Variants in SPRR2G observed in about 807,000 individuals in gnomAD.
SPRR2G encodes the protein small proline rich protein 2G.
A neutral mutation model predicts 0.7 loss-of-function variants in SPRR2G; 1 was observed. The observed-to-expected ratio is 1.49, with a 90% CI of 0.53 to 7.06. The LOEUF (loss-of-function observed/expected upper bound fraction) is 7.06, where lower values mean the gene tolerates loss of function less well. Among genes scored for constraint, SPRR2G ranks in the 30% most tolerant of loss-of-function variants. SPRR2G has a pLI of 0.14. For synonymous variants in SPRR2G, 38 were observed against 33.9 expected, an observed-to-expected ratio of 1.12 and a Z score of -0.42; for missense variants, 96 against 88.5, an observed-to-expected ratio of 1.09 and a Z score of -0.34.
the SPRR2G span, among the ~76,000 whole-genome samples, chr1:153,158,238 C>G: frequency 1.3e-5 from 2 of 152,076 alleles, no homozygotes; most frequent in Non-Finnish European, 2.9e-5. Flanking sequence ...CCTATGAGCC[C>G]GTAAAATCAA....
the SPRR2G span, among the ~76,000 whole-genome samples, chr1:153,172,857 G>A: frequency 1.3e-5 from 2 of 152,168 alleles, no homozygotes; most frequent in African/African-American, 4.8e-5. Context: ...GCCTTCATCT[G>A]GGCCGGAAGA....
At chr1:153,173,449 G>A in the SPRR2G span, among the ~76,000 whole-genome samples, 412 of 150,952 alleles carry the variant, frequency 2.7e-3, 1 homozygote, top group African/African-American at 8.8e-3. Context: ...AAGTCAAACA[G>A]AAAAAAAAAT....
At chr1:153,182,719 A>T in the SPRR2G span, among the ~76,000 whole-genome samples, 37 of 152,082 alleles carry the variant, frequency 2.4e-4, 1 homozygote, top group African/African-American at 8.2e-4. Flanking sequence ...AAGGACATGA[A>T]CTCATTCTTT....
chr1:153,163,544 T>C, the SPRR2G span, among the ~76,000 whole-genome samples: 9 of 152,190 alleles, frequency 5.9e-5, no homozygotes, highest in Admixed American at 4.6e-4. Context: ...TGGGGAGCAG[T>C]GCATACCAAT....
At chr1:153,194,292 T>C in the SPRR2G span, among the ~76,000 whole-genome samples, 10 of 152,160 alleles carry the variant, frequency 6.6e-5, no homozygotes, top group East Asian at 9.6e-4. Context: ...TAATAGAATA[T>C]ATCAAAACAC....
At chr1:153,154,703 C>T (rs967226483), upstream of SPRR2G, among the ~76,000 whole-genome samples, 1 of 151,906 alleles carries the variant, frequency 6.6e-6, no homozygotes, top group Non-Finnish European at 1.5e-5. Context: ...TTTCATATCT[C>T]CTCTTTCATA....
chr1:153,175,604 G>GT, the SPRR2G span, among the ~76,000 whole-genome samples: 2 of 152,160 alleles, frequency 1.3e-5, no homozygotes, highest in Non-Finnish European at 2.9e-5. Context: ...TTAGTTCCCT[G>GT]TTTTATGCTT....
At chr1:153,184,773 G>T in the SPRR2G span, among the ~76,000 whole-genome samples, 1 of 152,200 alleles carries the variant, frequency 6.6e-6, no homozygotes, top group Non-Finnish European at 1.5e-5. Flanking sequence ...GGGCATACTT[G>T]TCTTGTGCAG....
chr1:153,199,191 G>C, the SPRR2G span, among the ~76,000 whole-genome samples: 1 of 152,128 alleles, frequency 6.6e-6, no homozygotes, highest in Non-Finnish European at 1.5e-5. Flanking sequence ...TGTATATCTG[G>C]TTCCCATGGG....
At chr1:153,152,817 A>G (rs1656500620), upstream of SPRR2G, among the ~76,000 whole-genome samples, 1 of 152,200 alleles carries the variant, frequency 6.6e-6, no homozygotes, top group Non-Finnish European at 1.5e-5. Context: ...TTTTAGACCT[A>G]CTTTTCTTTG....
the SPRR2G span, among the ~76,000 whole-genome samples, chr1:153,187,705 A>G: frequency 6.6e-6 from 1 of 152,100 alleles, no homozygotes; most frequent in East Asian, 1.9e-4. Context: ...ACTTCTGTCA[A>G]TTCATCAAAT....
At chr1:153,185,991 C>T in the SPRR2G span, among the ~76,000 whole-genome samples, 17 of 152,266 alleles carry the variant, frequency 1.1e-4, no homozygotes, top group African/African-American at 3.9e-4. Flanking sequence ...CATTCAGGGG[C>T]AGGTTGTTCA....
chr1:153,173,938 T>G, the SPRR2G span, among the ~76,000 whole-genome samples: 1 of 152,220 alleles, frequency 6.6e-6, no homozygotes, highest in Admixed American at 6.5e-5. Flanking sequence ...GCAGGAAAGA[T>G]TCACTCAGTA....
the SPRR2G span, among the ~76,000 whole-genome samples, chr1:153,163,532 G>T: frequency 0.022 from 3,339 of 152,242 alleles, 107 homozygotes; most frequent in East Asian, 0.1. Context: ...CAAAATGTTA[G>T]CTGGGGAGCA....
At chr1:153,196,375 T>C in the SPRR2G span, among the ~76,000 whole-genome samples, 2 of 152,262 alleles carry the variant, frequency 1.3e-5, no homozygotes, top group Admixed American at 1.3e-4. Flanking sequence ...ATTTATGTTG[T>C]TGAATAAGGC....
At chr1:153,169,223 C>CT in the SPRR2G span, among the ~76,000 whole-genome samples, 1 of 152,068 alleles carries the variant, frequency 6.6e-6, no homozygotes, top group Non-Finnish European at 1.5e-5. Context: ...CTACTCCTCC[C>CT]TTTTGCCTTT....
chr1:153,168,904 ATGTGTGTG>A, the SPRR2G span, among the ~76,000 whole-genome samples: 18 of 148,162 alleles, frequency 1.2e-4, no homozygotes, highest in South Asian at 3.7e-3. Context: ...TCATGAGTGT[ATGTGTGTG>A]TGTGTGTGTG....
At chr1:153,161,991 GGTT>G in the SPRR2G span, among the ~76,000 whole-genome samples, 1 of 151,858 alleles carries the variant, frequency 6.6e-6, no homozygotes, top group South Asian at 2.1e-4. Context: ...TGGTGGTGGT[GGTT>G]GTTGTTGTTG....
chr1:153,184,126 G>GGT, the SPRR2G span, among the ~76,000 whole-genome samples: 1 of 152,162 alleles, frequency 6.6e-6, no homozygotes, highest in African/African-American at 2.4e-5. Flanking sequence ...CTGTAGCCTT[G>GGT]TAGTATAGTT....
Sources: gnomAD v4.1 joint callset for allele counts (sites outside exome capture counted in the v4.1 genomes callset) on GRCh38, gnomAD v4.1.1 for gene constraint, MANE v1.5 for transcripts, NCBI Gene and HGNC (gene_info 2026-07-23, HGNC 2026-07-21) for gene names.